The following PRDM16 variants were observed in gnomAD, a reference collection of about 807,000 sequenced individuals.
PRDM16 encodes histone-lysine N-methyltransferase PRDM16.
Under a neutral mutation model 110.6 loss-of-function variants are expected in PRDM16, and 23 were observed. That is an observed-to-expected ratio of 0.21 (90% CI 0.15 to 0.29). The LOEUF is 0.29. Ranked by LOEUF, PRDM16 falls within the 10% of genes least tolerant of loss-of-function variation. The pLI is 1.00. For missense variants in PRDM16, 1,615 were observed against 1,794.3 expected (o/e 0.90, Z 1.81); for synonymous variants, 799 against 781.8 (o/e 1.02, Z -0.37).
chr1:3,192,930 T>A (rs1255680685), intron 2 of PRDM16, among the ~76,000 whole-genome samples: 1 of 152,186 alleles, frequency 6.6e-6, no homozygotes, highest in Non-Finnish European at 1.5e-5. Context: ...TGGGACTCAC[T>A]GAGTCACCAC....
At chr1:3,088,448 A>ATTATTATTATTTAT (rs373778011) in intron 1 of PRDM16, among the ~76,000 whole-genome samples, 15 of 146,026 alleles carry the variant, frequency 1.0e-4, no homozygotes, top group Non-Finnish European at 2.1e-4. Flanking sequence ...GGATTCTTTT[A>ATTATTATTATTTAT]TTATTTATTT....
At chr1:3,295,592 C>G (rs1378899750) in intron 3 of PRDM16, among the ~76,000 whole-genome samples, 1 of 152,190 alleles carries the variant, frequency 6.6e-6, no homozygotes, top group Non-Finnish European at 1.5e-5. Flanking sequence ...GGGGCCGTAA[C>G]TCAGGAGCCG....
chr1:3,173,229 G>A (rs183819645), intron 1 of PRDM16, among the ~76,000 whole-genome samples: 199 of 152,308 alleles, frequency 1.3e-3, no homozygotes, highest in Non-Finnish European at 2.4e-3. Context: ...ATTAACCAAG[G>A]AATAAAGGAG....
chr1:3,244,172 C>T lies in PRDM16; in HGVS notation c.438+35C>T, dbSNP rs867118193. 6.2e-7 allele frequency: 1 copy of T among 1,607,562 alleles called. No individual in the cohort carries two copies. Among genetic ancestry groups the T allele is most frequent in the South Asian group, 1.1e-5 (1 of 90,972 alleles). On this transcript the variant is annotated intron_variant, in intron 3 of 16. Coordinates refer to ENST00000270722, the MANE Select transcript of PRDM16 (RefSeq NM_022114.4). The surrounding 1 kb of genome is among the most constrained non-coding windows in gnomAD (Gnocchi z 4.1). ...CTCGCCCTGCGCCGTCTCAGCTCCC[C>T]AGCGTCCTCGGAGCTCCTGGCGGGG...
intron 2 of PRDM16, among the ~76,000 whole-genome samples, chr1:3,202,362 G>A (rs1638649515): frequency 7.2e-6 from 1 of 138,906 alleles, no homozygotes; most frequent in East Asian, 2.5e-4. Context: ...GGAGGCTGGG[G>A]AAGCCTAGGG....
At chr1:3,087,243 G>A (rs548031611) in intron 1 of PRDM16, among the ~76,000 whole-genome samples, 5 of 72,882 alleles carry the variant, frequency 6.9e-5, no homozygotes, top group Non-Finnish European at 1.3e-4. Context: ...CAGCCCCACC[G>A]GAGACCAGCC....
At chr1:3,127,616 CTG>C (rs1483677949) in intron 1 of PRDM16, among the ~76,000 whole-genome samples, 1 of 152,256 alleles carries the variant, frequency 6.6e-6, no homozygotes, top group Admixed American at 6.5e-5. Flanking sequence ...TGCCTGTAAA[CTG>C]ATACAGATGC....
chr1:3,349,775 A>G (rs1642444476), intron 3 of PRDM16, among the ~76,000 whole-genome samples: 1 of 152,128 alleles, frequency 6.6e-6, no homozygotes, highest in African/African-American at 2.4e-5. Context: ...TTCTGTTCTC[A>G]GTGTTCACAG....
chr1:3,311,556 C>T (rs1368634046), intron 3 of PRDM16, among the ~76,000 whole-genome samples: 1 of 152,206 alleles, frequency 6.6e-6, no homozygotes, highest in Non-Finnish European at 1.5e-5. Flanking sequence ...CAAAACCAGC[C>T]AGCGTGGTAC....
rs528277542 is a variant in PRDM16 at position 3,122,278 on chromosome 1, C to T, written c.37+52982C>T. Among the ~76,000 whole-genome samples, 35 of 152,296 alleles carry T rather than the reference C, an allele frequency of 2.3e-4. 1 individual carries two copies. The highest frequency in any genetic ancestry group is 6.7e-4 in the African/African-American group (28 of 41,570). ...GACCCTTGAGATGCTGGGCCCTCGACGCTCTCTGCAGATCCCCTCCTCTGT... is the reference window on the plus strand; with the variant it reads ...GACCCTTGAGATGCTGGGCCCTCGATGCTCTCTGCAGATCCCCTCCTCTGT... On this transcript the variant is annotated intron_variant, in intron 1 of 16. Transcript: ENST00000270722.
chr1:3,216,664 G>A (rs563422882), intron 2 of PRDM16, among the ~76,000 whole-genome samples: 158 of 152,352 alleles, frequency 1.0e-3, no homozygotes, highest in Non-Finnish European at 2.1e-3. Context: ...CCAAACCTGG[G>A]GCAGGAGTCA....
At chr1:3,212,697 C>CATCCTCCCGGCCCCCTCGCCG (rs1362911634) in intron 2 of PRDM16, among the ~76,000 whole-genome samples, 1 of 151,796 alleles carries the variant, frequency 6.6e-6, no homozygotes, top group African/African-American at 2.4e-5. Flanking sequence ...GCGGTCCTCT[C>CATCCTCCCGGCCCCCTCGCCG]TGCCACTGTG....
At chr1:3,097,232 C>T (rs1570244148) in intron 1 of PRDM16, among the ~76,000 whole-genome samples, 1 of 152,128 alleles carries the variant, frequency 6.6e-6, no homozygotes. Flanking sequence ...AAGTTTTGGT[C>T]TCTGACGGGT....
At chr1:3,251,784 C>T (rs914219775) in intron 3 of PRDM16, among the ~76,000 whole-genome samples, 1 of 152,172 alleles carries the variant, frequency 6.6e-6, no homozygotes, top group Admixed American at 6.5e-5. Flanking sequence ...GTCAATAAAC[C>T]CTGTCCATAA....
intron 9 of PRDM16, among the ~76,000 whole-genome samples, chr1:3,413,921 CTGGAGGG>C (rs1643737165): frequency 6.6e-6 from 1 of 152,188 alleles, no homozygotes; most frequent in African/African-American, 2.4e-5. Flanking sequence ...TCCAGCAGCC[CTGGAGGG>C]TGTTTAGACA....
intron 1 of PRDM16, among the ~76,000 whole-genome samples, chr1:3,146,311 G>T (rs2817187): frequency 0.24 from 37,233 of 152,226 alleles, 4,665 homozygotes; most frequent in Non-Finnish European, 0.27. Flanking sequence ...CTTTGAAAAA[G>T]ATAAACAACT....
At chr1:3,422,693 G>T (rs967247178) in intron 12 of PRDM16, among the ~76,000 whole-genome samples, 1 of 152,242 alleles carries the variant, frequency 6.6e-6, no homozygotes, top group Non-Finnish European at 1.5e-5. Flanking sequence ...CGTCGGGTAG[G>T]GGGGCACCCA....
intron 15 of PRDM16, among the ~76,000 whole-genome samples, chr1:3,431,621 TGAGTCCTGGGAGAGG>T (rs1300056709): frequency 6.6e-6 from 1 of 152,150 alleles, no homozygotes; most frequent in Admixed American, 6.5e-5. Flanking sequence ...ATGCTGCCCC[TGAGTCCTGGGAGAGG>T]GAGCCCCGGG....
chr1:3,367,006 G>A (rs1305803533), intron 3 of PRDM16, among the ~76,000 whole-genome samples: 8 of 152,192 alleles, frequency 5.3e-5, no homozygotes, highest in African/African-American at 7.2e-5. Flanking sequence ...AGTGGCTCAC[G>A]CCTGTAATCC....
Sources: allele counts gnomAD v4.1 joint callset (sites outside exome capture counted in the v4.1 genomes callset), GRCh38; gene constraint gnomAD v4.1.1; non-coding constraint Gnocchi (gnomAD v3.1); transcripts MANE v1.5; gene names NCBI Gene and HGNC (gene_info 2026-07-23, HGNC 2026-07-21).